GATA5: variants seen among roughly 807,000 people sequenced by gnomAD.
GATA5 encodes transcription factor GATA-5.
In GATA5, 27 loss-of-function variants were observed where a neutral mutation model predicts 35.0. That is an observed-to-expected ratio of 0.77 (90% CI 0.57 to 1.06). GATA5 has a LOEUF of 1.06. Ranked by LOEUF, GATA5 falls within the 50% of genes least tolerant of loss-of-function variation. The probability of loss-of-function intolerance (pLI) is 0.00; values close to 1 mark genes in which losing one functional copy is unlikely to be tolerated. For missense variants in GATA5, 612 were observed against 580.0 expected, an observed-to-expected ratio of 1.06 and a Z score of -0.57; for synonymous variants, 306 against 267.8, an observed-to-expected ratio of 1.14 and a Z score of -1.39.
At chr20:62,473,340 T>G in intron 3 of GATA5, 63 bp downstream of exon 3, 1 of 1,532,438 alleles carries the variant, frequency 6.5e-7, no homozygotes, top group Non-Finnish European at 8.8e-7. Flanking sequence ...CCTGGGTGGA[T>G]TGCAAGAGGT....
rs1211562890 is a variant in GATA5 at position 62,463,594 on chromosome 20, G to A, written c.*1242C>T. The A allele has an allele frequency of 6.7e-6, 1 of 148,614 alleles. No individual in the cohort carries two copies. The highest frequency in any genetic ancestry group is 2.0e-4 in the East Asian group (1 of 4,916). 9.2% of individuals were successfully genotyped at this position (148,614 alleles called of 1,614,324 possible). A position where few individuals can be genotyped will look rare whatever the true frequency, so the allele number is the denominator to read the frequency against. On this transcript the variant is annotated 3_prime_UTR_variant, in exon 7 of 7. Transcript: ENST00000252997. ...AAGTGGGGCTGGAAGAACCTCTGGAGGGACAGTTTCAGAATGACCGGACCC... is the reference window on the plus strand; with the variant it reads ...AAGTGGGGCTGGAAGAACCTCTGGAAGGACAGTTTCAGAATGACCGGACCC...
chr20:62,469,104 C>T (rs959709558), intron 3 of GATA5, among the ~76,000 whole-genome samples: 2 of 152,218 alleles, frequency 1.3e-5, no homozygotes, highest in African/African-American at 2.4e-5. Flanking sequence ...TCCCACCTCT[C>T]GGACACCCAC....
chr20:62,465,850 C>T lies in GATA5; in HGVS notation c.897G>A (p.Lys299=), dbSNP rs1555896019. 4 of 1,592,348 alleles carry T rather than the reference C, an allele frequency of 2.5e-6. No homozygotes were observed. In the East Asian group the frequency reaches 6.8e-5, roughly 27 times the overall value. ...GCCACGCACCTGAGGAGCCCCTGGC[C>T]TTGGCGATGGTCTTTGGCTTCCGCT... ...TRKRKPKTIA[K]ARGSSGSTRN... Residue 299 remains lysine, a synonymous_variant, in exon 5 of 7, where the codon AAG becomes AAA. Transcript: ENST00000252997.
At chr20:62,469,985 C>A (rs1416410099) in intron 3 of GATA5, among the ~76,000 whole-genome samples, 1 of 152,216 alleles carries the variant, frequency 6.6e-6, no homozygotes, top group Non-Finnish European at 1.5e-5. Context: ...TCCTCACTGC[C>A]CAACAAGCAG....
At position 62,475,117 on chromosome 20, in the gene GATA5, C is replaced by T; in HGVS notation, c.405G>A (p.Gly135=). ...CCGGGTAGGTGGCGGAGTACGAGGT[C>T]CCCACCGGCCGCCCAAGCGGGGCCG... The part of the protein sequence containing the change: ...QFAAPLGRPV[G]TSYSATYPAY... Residue 135 remains glycine, a synonymous_variant, in exon 2 of 7, where the codon GGG becomes GGA. Transcript: ENST00000252997. 1.4e-6 allele frequency: 2 copies of T among 1,381,100 alleles called. No homozygotes were observed. The highest frequency in any genetic ancestry group is 3.3e-5 in the Admixed American group (1 of 30,136). 85.6% of individuals were successfully genotyped at this position (1,381,100 alleles called of 1,614,324 possible).
chr20:62,475,676 G>A, intron 1 of GATA5, 134 bp from the exon 2 acceptor site: 2 of 547,414 alleles, frequency 3.7e-6, no homozygotes, highest in Non-Finnish European at 2.8e-6. Flanking sequence ...TCGCGGGGCG[G>A]GTCCCCGAAC....
rs201285183 is a variant in GATA5 at position 62,474,518 on chromosome 20, A to ACGCTG, written c.523+476_523+480dup. On this transcript the variant is annotated intron_variant, in intron 2 of 6. Transcript: ENST00000252997. ...GAGCCGCCTTCGCCAGAAAGTGACTACGCTGCAACCGGGAAGAGCCGCTCC... is the reference window on the plus strand; with the variant it reads ...GAGCCGCCTTCGCCAGAAAGTGACTACGCTGCGCTGCAACCGGGAAGAGCCGCTCC... 9.3e-3 allele frequency among the ~76,000 whole-genome samples: 1,419 copies of ACGCTG among 152,310 alleles called. 19 individuals are homozygous for ACGCTG. Among genetic ancestry groups the ACGCTG allele is most frequent in the African/African-American group, 0.032 (1,314 of 41,568 alleles).
rs1989706709 is a variant in GATA5 at position 62,471,000 on chromosome 20, A to G, written c.699+2403T>C. On this transcript the variant is annotated intron_variant, in intron 3 of 6. Coordinates refer to ENST00000252997, the MANE Select transcript of GATA5 (RefSeq NM_080473.5). This position sits in a 1 kb window ranked among gnomAD's most constrained non-coding sequence, Gnocchi z 4.6. ...AGCCAAGGCCCAAGCACACAACACC[A>G]GCTAATTTAACTTTTACAGCAAGGT... Among the ~76,000 whole-genome samples, 1 of 152,180 alleles carries G rather than the reference A, an allele frequency of 6.6e-6. No homozygotes were observed. Among genetic ancestry groups the G allele is most frequent in the Non-Finnish European group, 1.5e-5 (1 of 68,030 alleles).
rs1555896978 is a variant in GATA5 at position 62,475,084 on chromosome 20, C to T, written c.438G>A (p.Val146=). 1 of 1,408,112 alleles carries T rather than the reference C, an allele frequency of 7.1e-7. No homozygotes were observed. The highest frequency in any genetic ancestry group is 9.3e-7 in the Non-Finnish European group (1 of 1,077,112). 87.2% of individuals were successfully genotyped at this position (1,408,112 alleles called of 1,614,324 possible). ...TSYSATYPAY[V]SPDVAQSWTA... ...TCCAGGACTGGGCCACGTCGGGGCTCACGTAGGCCGGGTAGGTGGCGGAGT... is the reference window on the plus strand; with the variant it reads ...TCCAGGACTGGGCCACGTCGGGGCTTACGTAGGCCGGGTAGGTGGCGGAGT... The change falls in exon 2 of 7, where the codon GTG becomes GTA. Residue 146 remains valine, a synonymous_variant. Coordinates refer to ENST00000252997, the MANE Select transcript of GATA5 (RefSeq NM_080473.5).
At chr20:62,468,422 T>C (rs1555896289) in intron 3 of GATA5, among the ~76,000 whole-genome samples, 1 of 152,220 alleles carries the variant, frequency 6.6e-6, no homozygotes, top group East Asian at 1.9e-4. Flanking sequence ...GGCCGTCCTG[T>C]CGAAGGCCTG....
At chr20:62,468,039 CCTCT>C (rs1555896254) in intron 3 of GATA5, among the ~76,000 whole-genome samples, 80 of 148,628 alleles carry the variant, frequency 5.4e-4, no homozygotes, top group African/African-American at 1.9e-3. Flanking sequence ...CTGTTACAGC[CCTCT>C]ATGAGCAGAC....
In GATA5 at chr20:62,475,509, G is replaced by C. The variant is rs1324253640; in HGVS notation, c.13C>G (p.Leu5Val). 1 of 1,322,362 alleles carries C rather than the reference G, an allele frequency of 7.6e-7. No homozygotes were observed. The highest frequency in any genetic ancestry group is 9.6e-7 in the Non-Finnish European group (1 of 1,038,186). 81.9% of individuals were successfully genotyped at this position (1,322,362 alleles called of 1,614,324 possible). A position where few individuals can be genotyped will look rare whatever the true frequency, so the allele number is the denominator to read the frequency against. MYQS[L>V]ALAASPRQAA... is the part of the protein sequence containing the mutation. ...TGGCGGGGGCTCGCGGCCAGCGCCAGGCTCTGGTACATCCTCCCAGGCGTG... is the reference window on the plus strand; with the variant it reads ...TGGCGGGGGCTCGCGGCCAGCGCCACGCTCTGGTACATCCTCCCAGGCGTG... Residue 5 changes from leucine (L) to valine (V), a missense_variant, in exon 2 of 7, where the codon CTG (leucine) becomes GTG (valine). Coordinates refer to ENST00000252997, the MANE Select transcript of GATA5 (RefSeq NM_080473.5).
chr20:62,469,986 C>T (rs1184425160), intron 3 of GATA5, among the ~76,000 whole-genome samples: 1 of 152,222 alleles, frequency 6.6e-6, no homozygotes, highest in Admixed American at 6.5e-5. Context: ...CCTCACTGCC[C>T]AACAAGCAGC....
In GATA5 at chr20:62,465,917, G is replaced by A. The variant is rs782065313; in HGVS notation, c.830C>T (p.Pro277Leu). The A allele has an allele frequency of 3.1e-6, 5 of 1,587,776 alleles. No homozygotes were observed. Among genetic ancestry groups the A allele is most frequent in the Admixed American group, 1.8e-5 (1 of 56,632 alleles). Residue 277 changes from proline (P) to leucine (L), a missense_variant, in exon 5 of 7, where the codon CCG becomes CTG. Physicochemically the swap from Pro to Leu is moderately conservative, Grantham distance 98. Coordinates refer to ENST00000252997, the MANE Select transcript of GATA5 (RefSeq NM_080473.5). ...CGLYMKLHGV[P>L]RPLAMKKESI... Reference sequence around the variant, plus strand: ...TTCCTTCTTCATAGCCAGAGGCCGCGGCACCTGGCAGGGGTGGCGAGGGTG... The same window carrying A: ...TTCCTTCTTCATAGCCAGAGGCCGCAGCACCTGGCAGGGGTGGCGAGGGTG...
intron 3 of GATA5, 105 bp from the exon 4 acceptor site, chr20:62,466,656 G>A (rs1027239562): frequency 6.0e-6 from 8 of 1,338,926 alleles, no homozygotes; most frequent in African/African-American, 1.5e-5. Flanking sequence ...GCAGGACCCG[G>A]TGAGAAGGTC....
intron 4 of GATA5, 84 bp from the exon 5 acceptor site, chr20:62,466,005 C>T (rs1194348705): frequency 1.0e-5 from 10 of 983,808 alleles, no homozygotes; most frequent in African/African-American, 1.6e-5. Flanking sequence ...TTCCAGCCCC[C>T]CAGAGCCGGT....
At chr20:62,471,876 G>A (rs1256938784) in intron 3 of GATA5, among the ~76,000 whole-genome samples, 2 of 150,006 alleles carry the variant, frequency 1.3e-5, no homozygotes, top group South Asian at 2.1e-4. Context: ...CCACAGGTGT[G>A]TGCTACCATG....
chr20:62,465,526 C>T (rs922371269), intron 5 of GATA5, 62 bp from the exon 6 acceptor site: 1 of 1,557,482 alleles, frequency 6.4e-7, no homozygotes, highest in Non-Finnish European at 8.7e-7. Context: ...CCCTTCCTGC[C>T]ATGTAGCGGG....
At chr20:62,471,363 C>T (rs1989714782) in intron 3 of GATA5, among the ~76,000 whole-genome samples, 2 of 144,850 alleles carry the variant, frequency 1.4e-5, no homozygotes, top group Admixed American at 7.0e-5. Context: ...TACCACTTCT[C>T]TTTTTTAAAA....
Sources: allele counts gnomAD v4.1 joint callset (sites outside exome capture counted in the v4.1 genomes callset), GRCh38; gene constraint gnomAD v4.1.1; non-coding constraint Gnocchi (gnomAD v3.1); transcripts MANE v1.5; gene names NCBI Gene and HGNC (gene_info 2026-07-23, HGNC 2026-07-21).